IQCH: variants seen among roughly 807,000 people sequenced by gnomAD.
IQCH encodes the protein IQ domain-containing protein H.
Under a neutral mutation model 117.0 loss-of-function variants are expected in IQCH, and 98 were observed. The ratio of observed to expected loss-of-function variants is 0.84; its 90% CI spans 0.71 to 0.99. The LOEUF (loss-of-function observed/expected upper bound fraction) is 0.99. Among genes scored for constraint, IQCH ranks in the 50% least tolerant of loss-of-function variants. The pLI, the probability that IQCH is intolerant of heterozygous loss-of-function variation, is 0.00. For missense variants in IQCH, 1,102 were observed against 1,243.8 expected (o/e 0.89, Z 1.72); for synonymous variants, 412 against 448.2 (o/e 0.92, Z 1.02).
At chr15:67,410,655 G>A (rs566076520) in intron 14 of IQCH, among the ~76,000 whole-genome samples, 14 of 152,180 alleles carry the variant, frequency 9.2e-5, no homozygotes, top group Non-Finnish European at 1.8e-4. Context: ...GCTGAGTTGG[G>A]GGGCAACAAT....
intron 13 of IQCH, among the ~76,000 whole-genome samples, chr15:67,399,712 G>A (rs1207167555): frequency 6.6e-6 from 1 of 152,172 alleles, no homozygotes; most frequent in Non-Finnish European, 1.5e-5. Flanking sequence ...TTTCAAGACT[G>A]TAACTCTTTC....
intron 16 of IQCH, among the ~76,000 whole-genome samples, chr15:67,434,252 C>T (rs1398258343): frequency 6.6e-6 from 1 of 152,092 alleles, no homozygotes; most frequent in African/African-American, 2.4e-5. Context: ...ACCTTCCGAC[C>T]CCTGGTAATC....
At position 67,476,689 on chromosome 15, in the gene IQCH, T is replaced by C. The variant is rs1299281706; in HGVS notation, c.2799+871T>C. Among the ~76,000 whole-genome samples the C allele has an allele frequency of 6.6e-6, 1 of 152,132 alleles. No individual in the cohort carries two copies. The highest frequency in any genetic ancestry group is 2.4e-5 in the African/African-American group (1 of 41,428). On this transcript the variant is annotated intron_variant, in intron 18 of 20. Transcript: ENST00000335894. This position sits in a 1 kb window ranked among gnomAD's most constrained non-coding sequence, Gnocchi z 4.1. ...AACGTCTCCTGCCAAAAATAGAACC[T>C]CTGTTTTATGCCTAGAGACTCATGT...
intron 16 of IQCH, among the ~76,000 whole-genome samples, chr15:67,450,353 G>A (rs1596401742): frequency 1.3e-5 from 2 of 152,176 alleles, no homozygotes; most frequent in African/African-American, 4.8e-5. Context: ...GATATTGGCT[G>A]TGGGTTTGTC....
rs1229603489 is a variant in IQCH at position 67,436,313 on chromosome 15, AAGGTCTGTTTGCTGG to A, written c.2505+14739_2505+14753del. Among the ~76,000 whole-genome samples the A allele has an allele frequency of 1.3e-4, 20 of 152,170 alleles. No individual in the cohort carries two copies. Among genetic ancestry groups the A allele is most frequent in the African/African-American group, 4.6e-4 (19 of 41,446 alleles). On this transcript the variant is annotated intron_variant, in intron 16 of 20. Coordinates refer to ENST00000335894, the MANE Select transcript of IQCH (RefSeq NM_001031715.3). This position sits in a 1 kb window ranked among gnomAD's most constrained non-coding sequence, Gnocchi z 5.1. ...ACACACCCCCGCACTGGAGAAGCTG[AAGGTCTGTTTGCTGG>A]AGAAGTTTCTCACTTTACCCGGAGC...
chr15:67,335,438 C>T (rs1190787424), intron 4 of IQCH, among the ~76,000 whole-genome samples: 4 of 152,158 alleles, frequency 2.6e-5, no homozygotes, highest in African/African-American at 4.8e-5. Flanking sequence ...TCTCTTCCTC[C>T]GATTTACCTT....
chr15:67,400,491 C>CTTTTTTTTTTTTT (rs1555481901), intron 14 of IQCH, among the ~76,000 whole-genome samples, 186 bp downstream of exon 14: 3 of 115,600 alleles, frequency 2.6e-5, no homozygotes, highest in Non-Finnish European at 5.2e-5. Context: ...TCTTTTTTTT[C>CTTTTTTTTTTTTT]TTTTTTTTTT....
rs1555479107 is a variant in IQCH at position 67,395,722 on chromosome 15, A to ATTTATTTATTTATTTATTTG, written c.1905+174_1905+175insATTTGTTTATTTATTTATTT. The stretch of plus-strand genomic sequence containing the variant: ...ATCTACTTTATTTATTTATTTATTT[A>ATTTATTTATTTATTTATTTG]TTTATTTATTTATTTTTGAGATGGA... On this transcript the variant is annotated intron_variant, in intron 13 of 20. Transcript: ENST00000335894. This position sits in a 1 kb window ranked among gnomAD's most constrained non-coding sequence, Gnocchi z 4.0. Among the ~76,000 whole-genome samples the ATTTATTTATTTATTTATTTG allele has an allele frequency of 6.6e-6, 1 of 151,026 alleles. No individual in the cohort carries two copies. Among genetic ancestry groups the ATTTATTTATTTATTTATTTG allele is most frequent in the Non-Finnish European group, 1.5e-5 (1 of 67,828 alleles).
In IQCH at chr15:67,453,970, G is replaced by A. The variant is rs1056725959; in HGVS notation, c.2506-11157G>A. ...CAGCCTCGCTGCCGCCTTGCAGTTC[G>A]ATCTGGGACTGCTGTGCTAGCAATG... On this transcript the variant is annotated intron_variant, in intron 16 of 20. Coordinates refer to ENST00000335894, the MANE Select transcript of IQCH (RefSeq NM_001031715.3). The surrounding 1 kb of genome is among the most constrained non-coding windows in gnomAD (Gnocchi z 5.8). 2.0e-5 allele frequency among the ~76,000 whole-genome samples: 3 copies of A among 152,208 alleles called. No homozygotes were observed. Among genetic ancestry groups the A allele is most frequent in the Non-Finnish European group, 4.4e-5 (3 of 68,036 alleles).
intron 16 of IQCH, among the ~76,000 whole-genome samples, chr15:67,450,686 T>G (rs1282527071): frequency 6.6e-6 from 1 of 152,182 alleles, no homozygotes; most frequent in African/African-American, 2.4e-5. Flanking sequence ...AAAATTCTCT[T>G]TTTTGGTTGT....
rs193029381 is a variant in IQCH at position 67,332,448 on chromosome 15, T to A, written c.388-4527T>A. ...CAGATGTAATTCAAGTATGACTTGC[T>A]TTAATTCTAGTAAAGTACACATGAA... On this transcript the variant is annotated intron_variant, in intron 4 of 20. Coordinates refer to ENST00000335894, the MANE Select transcript of IQCH (RefSeq NM_001031715.3). Among the ~76,000 whole-genome samples, 3 of 152,272 alleles carry A rather than the reference T, an allele frequency of 2.0e-5. No individual in the cohort carries two copies. The East Asian group carries it at 5.8e-4, about 29-fold the overall frequency.
At chr15:67,421,687 T>C (rs2081746966) in intron 16 of IQCH, 110 bp downstream of exon 16, 1 of 1,099,550 alleles carries the variant, frequency 9.1e-7, no homozygotes, top group Admixed American at 2.2e-5. Flanking sequence ...GCACTGATTC[T>C]CTGATGAACT....
intron 8 of IQCH, among the ~76,000 whole-genome samples, chr15:67,367,224 G>T (rs566762686): frequency 6.6e-6 from 1 of 152,238 alleles, no homozygotes; most frequent in Non-Finnish European, 1.5e-5. Context: ...TTGACAAATT[G>T]CTTTCCAGCC....
Position 67,385,150 on chromosome 15 carries a change from TCTA to T in IQCH, c.1456+134_1456+136del, listed in dbSNP as rs1295468038. On this transcript the variant is annotated intron_variant, in intron 11 of 20. Coordinates refer to ENST00000335894, the MANE Select transcript of IQCH (RefSeq NM_001031715.3). This position sits in a 1 kb window ranked among gnomAD's most constrained non-coding sequence, Gnocchi z 4.6. The stretch of plus-strand genomic sequence containing the variant: ...ACAAGGAAAAAGCTCAGATGTTTAA[TCTA>T]CTTACAGGGCAATTAAATGTTTTAT... 13 of 554,574 alleles carry T rather than the reference TCTA, an allele frequency of 2.3e-5. No individual in the cohort carries two copies. Among genetic ancestry groups the T allele is most frequent in the Non-Finnish European group, 9.7e-6 (3 of 307,844 alleles). 34.4% of individuals were successfully genotyped at this position (554,574 alleles called of 1,614,324 possible).
Position 67,493,171 on chromosome 15 carries a change from C to G in IQCH, c.2862-1087C>G, listed in dbSNP as rs1290471613. On this transcript the variant is annotated intron_variant, in intron 19 of 20. Coordinates refer to ENST00000335894, the MANE Select transcript of IQCH (RefSeq NM_001031715.3). This position sits in a 1 kb window ranked among gnomAD's most constrained non-coding sequence, Gnocchi z 5.1. ...TCTACTGTTTTCTGCCCATCTTAAT[C>G]TCATCCCTAACTGCAGTCATAGAAC... Among the ~76,000 whole-genome samples, 1 of 152,210 alleles carries G rather than the reference C, an allele frequency of 6.6e-6. No homozygotes were observed. Among genetic ancestry groups the G allele is most frequent in the African/African-American group, 2.4e-5 (1 of 41,464 alleles).
intron 10 of IQCH, chr15:67,373,713 T>A: frequency 1.9e-6 from 1 of 525,650 alleles, no homozygotes; most frequent in Non-Finnish European, 3.4e-6. Context: ...AAAAGTTGTA[T>A]TTTTCCCCGA....
chr15:67,402,474 T>C (rs1362604701), intron 14 of IQCH, among the ~76,000 whole-genome samples: 1 of 152,168 alleles, frequency 6.6e-6, no homozygotes, highest in African/African-American at 2.4e-5. Context: ...TCTCCTTTGT[T>C]CCAGAAGACC....
At chr15:67,334,601 G>A (rs181946044) in intron 4 of IQCH, among the ~76,000 whole-genome samples, 3 of 152,280 alleles carry the variant, frequency 2.0e-5, no homozygotes, top group East Asian at 3.9e-4. Flanking sequence ...CACCTGGGGA[G>A]CTTTCTAGAA....
chr15:67,400,498 T>TTTTTTTTTTTTTTTTTTC lies in IQCH; in HGVS notation c.2097+197_2097+198insTTTTTTTTTTTTTCTTTT, dbSNP rs1555481906. 1.6e-4 allele frequency among the ~76,000 whole-genome samples: 22 copies of TTTTTTTTTTTTTTTTTTC among 137,354 alleles called. 1 individual carries two copies. Among genetic ancestry groups the TTTTTTTTTTTTTTTTTTC allele is most frequent in the South Asian group, 7.2e-4 (3 of 4,176 alleles). The allele number at this position is 137,354 out of a possible 152,430, so 90.1% of individuals were successfully genotyped here. ...GACTGAGTTCTTTTTTTTCTTTTTT[T>TTTTTTTTTTTTTTTTTTC]TTTTGAGATGGGGCCTCACTCTGTT... On this transcript the variant is annotated intron_variant, in intron 14 of 20. Coordinates refer to ENST00000335894, the MANE Select transcript of IQCH (RefSeq NM_001031715.3).
Sources: allele counts gnomAD v4.1 joint callset (sites outside exome capture counted in the v4.1 genomes callset), GRCh38; gene constraint gnomAD v4.1.1; non-coding constraint Gnocchi (gnomAD v3.1); transcripts MANE v1.5; gene names NCBI Gene and HGNC (gene_info 2026-07-23, HGNC 2026-07-21).